SPG7: variants seen among roughly 807,000 people sequenced by gnomAD.
SPG7 encodes mitochondrial inner membrane m-AAA protease component paraplegin.
SPG7 carries 103 observed loss-of-function variants against 81.9 expected under a neutral mutation model. The ratio of observed to expected loss-of-function variants is 1.26; its 90% CI spans 1.07 to 1.48. SPG7 has a LOEUF of 1.48. SPG7 is among the 40% of genes most tolerant of loss of function. The pLI is 0.00. For missense variants in SPG7, 1,241 were observed against 1,087.3 expected, an observed-to-expected ratio of 1.14 and a Z score of -1.99; for synonymous variants, 534 against 444.2, an observed-to-expected ratio of 1.20 and a Z score of -2.54.
chr16:89,531,534 C>T (rs897240614), intron 7 of SPG7: 15 of 317,816 alleles, frequency 4.7e-5, no homozygotes, highest in Non-Finnish European at 6.1e-5. Flanking sequence ...CCACCATGCA[C>T]GGCTAATTTT....
At chr16:89,556,015 A>G (rs2058685011) in intron 16 of SPG7, 1 of 398,572 alleles carries the variant, frequency 2.5e-6, no homozygotes, top group African/African-American at 2.1e-5. Context: ...CATGCTCATC[A>G]CGGTTGACAA....
intron 10 of SPG7, chr16:89,545,984 G>A (rs1314357526): frequency 4.7e-6 from 2 of 424,314 alleles, no homozygotes; most frequent in Non-Finnish European, 4.6e-6. Context: ...ATGGGCGTGC[G>A]CCGCCGTGCT....
intron 5 of SPG7, among the ~76,000 whole-genome samples, chr16:89,528,218 G>A (rs8063180): frequency 0.43 from 64,914 of 151,302 alleles, 14,495 homozygotes; most frequent in East Asian, 0.67. Context: ...ACGAAACCCC[G>A]TCTCTACTAA....
At chr16:89,548,495 C>T (rs1020920378) in intron 12 of SPG7, 92 of 302,038 alleles carry the variant, frequency 3.0e-4, no homozygotes, top group African/African-American at 2.0e-3. Flanking sequence ...GACTGTGGGC[C>T]GGAGGGCTGC....
intron 12 of SPG7, chr16:89,548,859 G>A (rs992196942): frequency 2.3e-6 from 1 of 441,744 alleles, no homozygotes; most frequent in African/African-American, 2.0e-5. Flanking sequence ...TTTGAAAAGG[G>A]AAGTGGTTCT....
At position 89,531,897 on chromosome 16, in the gene SPG7, C is replaced by T. The variant is rs745714363; in HGVS notation, c.988-7C>T. 1.5e-5 allele frequency: 25 copies of T among 1,613,850 alleles called. No individual in the cohort carries two copies. Among genetic ancestry groups the T allele is most frequent in the African/African-American group, 4.0e-5 (3 of 74,902 alleles). ...TAGTTAGTGTTGCATTGTCTGCTGC[C>T]GTCCAGAGCCCAGAACGCTTCCTCC... On this transcript the variant is annotated splice_region_variant and splice_polypyrimidine_tract_variant and intron_variant, in intron 7 of 16. Coordinates refer to ENST00000645818, the MANE Select transcript of SPG7 (RefSeq NM_003119.4).
At chr16:89,532,689 G>T in intron 9 of SPG7, 53 bp downstream of exon 9, 1 of 1,605,848 alleles carries the variant, frequency 6.2e-7, no homozygotes, top group South Asian at 1.1e-5. Flanking sequence ...GAGGTTTTCC[G>T]ATGTCTTTCA....
chr16:89,524,308 G>A (rs1567906808), intron 4 of SPG7, 61 bp downstream of exon 4: 1 of 1,558,342 alleles, frequency 6.4e-7, no homozygotes, highest in Non-Finnish European at 8.7e-7. Context: ...CAGCCTGTGA[G>A]AGTGAGGCTG....
At chr16:89,519,053 T>G (rs570443586) in intron 3 of SPG7, 10 of 151,602 alleles carry the variant, frequency 6.6e-5, no homozygotes, top group African/African-American at 2.4e-4. Context: ...GCTCGATCTC[T>G]GCTCACTGCA....
At position 89,529,835 on chromosome 16, in the gene SPG7, C is replaced by T. The variant is rs1287473216; in HGVS notation, c.861+256C>T. The T allele has an allele frequency of 9.4e-6, 5 of 534,012 alleles. No individual in the cohort carries two copies. In the East Asian group the frequency reaches 9.9e-5, roughly 11 times the overall value. The allele number at this position is 534,012 out of a possible 1,614,324, so 33.1% of individuals were successfully genotyped here. On this transcript the variant is annotated intron_variant, in intron 6 of 16. Transcript: ENST00000645818. ...TGAGATTACAGGGCAGTTGAATCTG[C>T]GTTTTTCTTTTCTTTTTTTTTGAGA...
intron 9 of SPG7, chr16:89,538,228 C>T (rs928375341): frequency 2.0e-5 from 3 of 152,134 alleles, no homozygotes; most frequent in Admixed American, 6.6e-5. Flanking sequence ...CTCGTGCTGT[C>T]CTGGTGCGTT....
chr16:89,554,621 A>G (rs1401716831), intron 16 of SPG7, 58 bp downstream of exon 16: 1 of 1,138,178 alleles, frequency 8.8e-7, no homozygotes, highest in East Asian at 2.4e-5. Flanking sequence ...CACAGCACCC[A>G]CGGTCCCCAC....
chr16:89,526,930 C>T (rs1206542072), intron 5 of SPG7: 1 of 217,052 alleles, frequency 4.6e-6, no homozygotes, highest in South Asian at 5.4e-5. Flanking sequence ...CGTAGGATGG[C>T]GAAGTCTCAG....
At chr16:89,541,110 A>G (rs1181507973) in intron 9 of SPG7, 2 of 982,782 alleles carry the variant, frequency 2.0e-6, no homozygotes, top group Non-Finnish European at 2.4e-6. Flanking sequence ...GCAGAAATAG[A>G]AGAGCTGAAA....
chr16:89,537,763 C>T, intron 9 of SPG7: 1 of 985,396 alleles, frequency 1.0e-6, no homozygotes, highest in Non-Finnish European at 1.2e-6. Context: ...GTCCAGGCTC[C>T]CAGTGTCTGG....
chr16:89,516,160 G>A (rs986629212), intron 3 of SPG7, among the ~76,000 whole-genome samples: 1 of 152,036 alleles, frequency 6.6e-6, no homozygotes, highest in African/African-American at 2.4e-5. Flanking sequence ...GCTAATTTTT[G>A]TAGTTTTGGT....
chr16:89,536,194 C>G (rs1461614216), intron 9 of SPG7, among the ~76,000 whole-genome samples: 15 of 119,466 alleles, frequency 1.3e-4, no homozygotes, highest in African/African-American at 4.3e-4. Flanking sequence ...TCAGTGTGGC[C>G]TCTCTGGTGC....
At chr16:89,523,616 C>G (rs2058220302) in intron 3 of SPG7, 2 of 444,356 alleles carry the variant, frequency 4.5e-6, no homozygotes, top group South Asian at 3.2e-5. Flanking sequence ...GGGTCGTTCT[C>G]TGTCACCCAG....
chr16:89,523,730 A>G (rs547973087), intron 3 of SPG7: 120 of 563,658 alleles, frequency 2.1e-4, no homozygotes, highest in African/African-American at 2.1e-3. Context: ...GCCCAGGTCT[A>G]AGTGTTTCGA....
Sources: gnomAD v4.1 joint callset for allele counts (sites outside exome capture counted in the v4.1 genomes callset) on GRCh38, gnomAD v4.1.1 for gene constraint, MANE v1.5 for transcripts, NCBI Gene and HGNC (gene_info 2026-07-23, HGNC 2026-07-21) for gene names.